AOAH: variants seen among roughly 807,000 people sequenced by gnomAD.
The protein encoded by AOAH is acyloxyacyl hydrolase (neutrophil).
In AOAH, 64 loss-of-function variants were observed where a neutral mutation model predicts 92.2. The observed-to-expected ratio is 0.69, with a 90% confidence interval of 0.57 to 0.86. AOAH has a LOEUF of 0.86. Ranked by LOEUF, AOAH falls within the 40% of genes least tolerant of loss-of-function variation. The pLI is 0.00. For synonymous variants in AOAH, 263 were observed against 254.5 expected, an observed-to-expected ratio of 1.03 and a Z score of -0.32; for missense variants, 656 against 694.6, an observed-to-expected ratio of 0.94 and a Z score of 0.62.
intron 13 of AOAH, among the ~76,000 whole-genome samples, chr7:36,556,442 GA>G (rs1426229094): frequency 6.6e-6 from 1 of 152,114 alleles, no homozygotes; most frequent in African/African-American, 2.4e-5. Context: ...GTGTGGTGAT[GA>G]AAAAAATGTA....
intron 1 of AOAH, among the ~76,000 whole-genome samples, chr7:36,722,275 C>T (rs1799674406): frequency 1.3e-5 from 2 of 152,114 alleles, no homozygotes; most frequent in African/African-American, 4.8e-5. Flanking sequence ...GAAATCTCCC[C>T]AACACCTCCT....
chr7:36,657,749 TAC>T (rs1794976043), intron 4 of AOAH, among the ~76,000 whole-genome samples: 2 of 152,130 alleles, frequency 1.3e-5, no homozygotes, highest in African/African-American at 4.8e-5. Context: ...GTCGAAATTT[TAC>T]AGAGTTAGGA....
intron 6 of AOAH, among the ~76,000 whole-genome samples, chr7:36,627,942 G>A (rs897201735): frequency 4.0e-4 from 61 of 152,150 alleles, no homozygotes; most frequent in African/African-American, 1.4e-3. Flanking sequence ...GAAAAATGGT[G>A]AGAATGAATC....
At chr7:36,713,424 C>T (rs1021505530) in intron 1 of AOAH, among the ~76,000 whole-genome samples, 6 of 152,224 alleles carry the variant, frequency 3.9e-5, no homozygotes, top group South Asian at 2.1e-4. Context: ...ATCAACGAGA[C>T]AGAAAGTTAA....
At chr7:36,647,261 A>G (rs574760202) in intron 4 of AOAH, among the ~76,000 whole-genome samples, 27 of 152,370 alleles carry the variant, frequency 1.8e-4, no homozygotes, top group African/African-American at 6.0e-4. Context: ...AACTTGGGGC[A>G]TCAGGGAAAA....
intron 13 of AOAH, among the ~76,000 whole-genome samples, chr7:36,561,757 C>T (rs1026407596): frequency 5.9e-5 from 9 of 152,270 alleles, no homozygotes; most frequent in African/African-American, 1.9e-4. Flanking sequence ...GTCAGAGCAA[C>T]ACTTGTCTTC....
intron 20 of AOAH, among the ~76,000 whole-genome samples, chr7:36,517,156 G>GTCTTTCTT (rs1554360832): frequency 0.097 from 9,230 of 95,042 alleles, 618 homozygotes; most frequent in Middle Eastern, 0.16. Context: ...ATCCATGTTA[G>GTCTTTCTT]TCTTTCTTTC....
At chr7:36,681,482 A>C (rs1796640160) in intron 2 of AOAH, among the ~76,000 whole-genome samples, 1 of 152,250 alleles carries the variant, frequency 6.6e-6, no homozygotes, top group East Asian at 1.9e-4. Context: ...AGGAGTATGG[A>C]AAGATGGTGG....
chr7:36,703,068 A>C (rs931168418), intron 1 of AOAH, among the ~76,000 whole-genome samples: 1 of 152,188 alleles, frequency 6.6e-6, no homozygotes, highest in African/African-American at 2.4e-5. Context: ...CATAAGAAGC[A>C]ATTCCTCATC....
At chr7:36,565,296 C>T (rs982104970) in intron 13 of AOAH, among the ~76,000 whole-genome samples, 2 of 21,166 alleles carry the variant, frequency 9.4e-5, no homozygotes, top group African/African-American at 4.0e-4. Flanking sequence ...TTGTCATTAT[C>T]CTCTCAAGGT....
intron 4 of AOAH, among the ~76,000 whole-genome samples, chr7:36,648,091 CA>C (rs1362519107): frequency 1.3e-5 from 2 of 152,052 alleles, no homozygotes; most frequent in Non-Finnish European, 2.9e-5. Flanking sequence ...CTCGACCTCC[CA>C]AAGTGCTGGG....
intron 19 of AOAH, among the ~76,000 whole-genome samples, chr7:36,523,629 G>GTATTTT (rs1784226282): frequency 1.0e-5 from 1 of 100,138 alleles, no homozygotes; most frequent in African/African-American, 4.1e-5. Context: ...TGTTTTGCCT[G>GTATTTT]TTTTTTTTTT....
At chr7:36,527,443 A>C (rs1172699413) in intron 19 of AOAH, among the ~76,000 whole-genome samples, 1 of 152,190 alleles carries the variant, frequency 6.6e-6, no homozygotes, top group Non-Finnish European at 1.5e-5. Context: ...TTTCTGATAA[A>C]AGATTACTTT....
chr7:36,537,847 A>G (rs1785176410), intron 16 of AOAH, among the ~76,000 whole-genome samples: 1 of 151,860 alleles, frequency 6.6e-6, no homozygotes, highest in Non-Finnish European at 1.5e-5. Context: ...TTCTATCTCC[A>G]GATGTGATAA....
intron 12 of AOAH, 152 bp from the exon 13 acceptor site, chr7:36,576,808 A>G: frequency 2.0e-6 from 1 of 489,824 alleles, no homozygotes; most frequent in South Asian, 3.3e-5. Flanking sequence ...TGAACTGTGA[A>G]TGTAATATTG....
intron 3 of AOAH, among the ~76,000 whole-genome samples, chr7:36,671,735 G>A (rs1664052638): frequency 6.6e-6 from 1 of 151,932 alleles, no homozygotes; most frequent in Admixed American, 6.6e-5. Context: ...AGGGGGTAGA[G>A]GTTTTGGATG....
At chr7:36,538,416 A>T (rs1562547406) in intron 16 of AOAH, among the ~76,000 whole-genome samples, 1 of 152,202 alleles carries the variant, frequency 6.6e-6, no homozygotes, top group African/African-American at 2.4e-5. Flanking sequence ...CATATTTATG[A>T]AACCAAACAT....
At chr7:36,537,681 G>C (rs1243794549) in intron 16 of AOAH, among the ~76,000 whole-genome samples, 1 of 152,068 alleles carries the variant, frequency 6.6e-6, no homozygotes, top group Non-Finnish European at 1.5e-5. Context: ...ACCACGCCCA[G>C]CTAATTTTTT....
At chr7:36,572,549 A>G (rs1788212048) in intron 13 of AOAH, among the ~76,000 whole-genome samples, 1 of 151,956 alleles carries the variant, frequency 6.6e-6, no homozygotes, top group Non-Finnish European at 1.5e-5. Context: ...AGGAAAGAAA[A>G]GAAAGAAAAA....
Sources: allele counts gnomAD v4.1 joint callset (sites outside exome capture counted in the v4.1 genomes callset), GRCh38; gene constraint gnomAD v4.1.1; transcripts MANE v1.5; gene names NCBI Gene and HGNC (gene_info 2026-07-23, HGNC 2026-07-21).